CDYL2: variants seen among roughly 807,000 people sequenced by gnomAD.
The protein encoded by CDYL2 is chromodomain Y like 2.
A neutral mutation model predicts 49.4 loss-of-function variants in CDYL2; 23 were observed. The observed-to-expected ratio is 0.47, with a 90% CI of 0.34 to 0.66. CDYL2 has a LOEUF of 0.66. Ranked by LOEUF, CDYL2 falls within the 30% of genes least tolerant of loss-of-function variation. CDYL2 has a pLI of 0.01. For missense variants in CDYL2, 678 were observed against 656.4 expected (o/e 1.03, Z -0.36); for synonymous variants, 360 against 268.8 (o/e 1.34, Z -3.32).
At chr16:80,608,354 T>A (rs1289597261) in intron 5 of CDYL2, 119 bp from the exon 6 acceptor site, 1 of 1,128,568 alleles carries the variant, frequency 8.9e-7, no homozygotes, top group Non-Finnish European at 1.2e-6. Context: ...GCCTTCCAGA[T>A]CCTTATCTTA....
intron 1 of CDYL2, among the ~76,000 whole-genome samples, chr16:80,788,664 T>C (rs1907512265): frequency 6.6e-6 from 1 of 152,212 alleles, no homozygotes; most frequent in African/African-American, 2.4e-5. Context: ...TAGAGGCACC[T>C]AGGATGACTG....
At chr16:80,774,664 T>G (rs1250771715) in intron 1 of CDYL2, among the ~76,000 whole-genome samples, 1 of 152,118 alleles carries the variant, frequency 6.6e-6, no homozygotes, top group Non-Finnish European at 1.5e-5. Flanking sequence ...TACCCCATAA[T>G]AAACATAATT....
intron 2 of CDYL2, among the ~76,000 whole-genome samples, chr16:80,672,041 GT>G (rs1342318638): frequency 6.6e-6 from 1 of 152,096 alleles, no homozygotes; most frequent in African/African-American, 2.4e-5. Context: ...TGGAATATTT[GT>G]ATTATACTTA....
intron 1 of CDYL2, among the ~76,000 whole-genome samples, chr16:80,730,065 T>G (rs1339266050): frequency 2.6e-5 from 4 of 151,832 alleles, no homozygotes; most frequent in African/African-American, 7.3e-5. Context: ...AGCAAACACA[T>G]TCAAAAGCTA....
At chr16:80,784,791 G>A (rs1471700841) in intron 1 of CDYL2, among the ~76,000 whole-genome samples, 1 of 152,160 alleles carries the variant, frequency 6.6e-6, no homozygotes, top group Non-Finnish European at 1.5e-5. Flanking sequence ...ACAATGATCA[G>A]TGCTGGAGAG....
chr16:80,697,345 G>C (rs182877964), intron 1 of CDYL2, among the ~76,000 whole-genome samples: 145 of 152,256 alleles, frequency 9.5e-4, no homozygotes, highest in African/African-American at 3.3e-3. Context: ...AATGGATACA[G>C]AGAAAGCATT....
chr16:80,764,780 G>A (rs1283334701), intron 1 of CDYL2, among the ~76,000 whole-genome samples: 5 of 151,978 alleles, frequency 3.3e-5, no homozygotes, highest in African/African-American at 1.2e-4. Context: ...TAGTTCCTCG[G>A]CTAGGCGCGG....
At position 80,612,118 on chromosome 16, in the gene CDYL2, C is replaced by T. The variant is rs912819271; in HGVS notation, c.1218+508G>A. On this transcript the variant is annotated intron_variant, in intron 5 of 6. Coordinates refer to ENST00000570137, the MANE Select transcript of CDYL2 (RefSeq NM_152342.4). This position sits in a 1 kb window ranked among gnomAD's most constrained non-coding sequence, Gnocchi z 5.0. ...CCAGAAGCTGAGTCATGGCCAATAC[C>T]ACATGAGTGGAGGGGAAGACGCCCC... 5.9e-5 allele frequency among the ~76,000 whole-genome samples: 9 copies of T among 152,236 alleles called. No homozygotes were observed. Among genetic ancestry groups the T allele is most frequent in the African/African-American group, 2.2e-4 (9 of 41,474 alleles).
chr16:80,684,853 C>A lies in CDYL2; in HGVS notation c.301G>T (p.Gly101Trp), dbSNP rs200502636. 206 of 1,614,016 alleles carry A rather than the reference C, an allele frequency of 1.3e-4. No individual in the cohort carries two copies. Among genetic ancestry groups the A allele is most frequent in the Non-Finnish European group, 1.6e-4 (191 of 1,180,042 alleles). The change falls in exon 2 of 7, where the codon GGG becomes TGG. Residue 101 changes from glycine to tryptophan, a missense_variant. Transcript: ENST00000570137. ...ATTCGCTTCCGTTTATGGGAGGTCC[C>A]CTTGCTCTTTCCAGGATCTGAAGGT... ...HRPSDPGKSK[G>W]TSHKRKRINP... is the part of the protein sequence containing the mutation.
chr16:80,642,358 G>T (rs1908135366), intron 2 of CDYL2, among the ~76,000 whole-genome samples: 1 of 152,124 alleles, frequency 6.6e-6, no homozygotes, highest in African/African-American at 2.4e-5. Context: ...TGAGAGAATG[G>T]CTTGAACCAG....
rs77628640 is a variant in CDYL2 at position 80,656,154 on chromosome 16, A to C, written c.617-22918T>G. ...CTACTCTTCGGGCTGTTTTGAACTCAATCAATTAAAGAACTGACCTGGGGT... is the reference window on the plus strand; with the variant it reads ...CTACTCTTCGGGCTGTTTTGAACTCCATCAATTAAAGAACTGACCTGGGGT... On this transcript the variant is annotated intron_variant, in intron 2 of 6. Coordinates refer to ENST00000570137, the MANE Select transcript of CDYL2 (RefSeq NM_152342.4). 9.3e-3 allele frequency among the ~76,000 whole-genome samples: 1,413 copies of C among 152,336 alleles called. 27 individuals are homozygous for C. The highest frequency in any genetic ancestry group is 0.032 in the African/African-American group (1,347 of 41,566).
chr16:80,664,999 C>G (rs11150298), intron 2 of CDYL2, among the ~76,000 whole-genome samples: 79,018 of 152,028 alleles, frequency 0.52, 23,484 homozygotes, highest in African/African-American at 0.81. Flanking sequence ...TCCCTAAACT[C>G]TGTCTTGCCT....
At chr16:80,688,139 C>G (rs995856716) in intron 1 of CDYL2, among the ~76,000 whole-genome samples, 4 of 152,182 alleles carry the variant, frequency 2.6e-5, no homozygotes, top group African/African-American at 9.7e-5. Context: ...TTGTTCCCTC[C>G]AAATTACTGG....
intron 1 of CDYL2, among the ~76,000 whole-genome samples, chr16:80,785,660 T>C (rs904015161): frequency 2.6e-5 from 4 of 151,992 alleles, no homozygotes; most frequent in African/African-American, 9.7e-5. Flanking sequence ...GCCAAGACAA[T>C]CTGGAGCAAG....
At chr16:80,664,276 C>T (rs1909169019) in intron 2 of CDYL2, among the ~76,000 whole-genome samples, 1 of 152,212 alleles carries the variant, frequency 6.6e-6, no homozygotes, top group Non-Finnish European at 1.5e-5. Flanking sequence ...TGAGCCATTA[C>T]TTCCTCTGTT....
rs1279408741 is a variant in CDYL2, at chr16:80,633,291, G to C, written c.617-55C>G. ...ACTGAAATGGACCACGATCCTAGAA[G>C]GATGTGATCAGAGGACGTTGGGATT... On this transcript the variant is annotated intron_variant, in intron 2 of 6. Coordinates refer to ENST00000570137, the MANE Select transcript of CDYL2 (RefSeq NM_152342.4). 8.4e-6 allele frequency: 13 copies of C among 1,551,540 alleles called. No individual in the cohort carries two copies. In the Admixed American group the frequency reaches 1.0e-4, roughly 12 times the overall value.
rs1279993119 is a variant in CDYL2 at position 80,612,482 on chromosome 16, T to C, written c.1218+144A>G. The C allele has an allele frequency of 5.5e-6, 4 of 723,122 alleles. No individual in the cohort carries two copies. Among genetic ancestry groups the C allele is most frequent in the Admixed American group, 2.8e-5 (1 of 35,358 alleles). The allele number at this position is 723,122 out of a possible 1,614,324, so 44.8% of individuals were successfully genotyped here. The stretch of plus-strand genomic sequence containing the variant: ...CAGGCCGGGCTACTCCATCTGGCAC[T>C]GAAGGTGTGAAGGACATGAGGCAGC... On this transcript the variant is annotated intron_variant, in intron 5 of 6. Transcript: ENST00000570137. The surrounding 1 kb of genome is among the most constrained non-coding windows in gnomAD (Gnocchi z 5.0).
chr16:80,723,964 G>C (rs185967663), intron 1 of CDYL2, among the ~76,000 whole-genome samples: 12 of 149,732 alleles, frequency 8.0e-5, no homozygotes, highest in Non-Finnish European at 1.5e-4. Flanking sequence ...GGGGGAGAAA[G>C]AGGAGGGAGA....
chr16:80,712,665 C>T (rs1904660265), intron 1 of CDYL2, among the ~76,000 whole-genome samples: 2 of 152,052 alleles, frequency 1.3e-5, no homozygotes, highest in African/African-American at 4.8e-5. Flanking sequence ...CCACAATGGC[C>T]CCCAAAAGGT....
Sources: allele counts gnomAD v4.1 joint callset (sites outside exome capture counted in the v4.1 genomes callset), GRCh38; gene constraint gnomAD v4.1.1; non-coding constraint Gnocchi (gnomAD v3.1); transcripts MANE v1.5; gene names NCBI Gene and HGNC (gene_info 2026-07-23, HGNC 2026-07-21).